Variants in MICAL2 observed in about 807,000 individuals in gnomAD.
The protein encoded by MICAL2 is microtubule associated monooxygenase, calponin and LIM domain containing 2, also known as [F-actin]-monooxygenase MICAL2.
In MICAL2, 77 loss-of-function variants were observed where a neutral mutation model predicts 127.3. The ratio of observed to expected loss-of-function variants is 0.60; its 90% CI spans 0.50 to 0.73. The LOEUF is 0.73. MICAL2 is among the 30% of genes least tolerant of loss of function. The pLI, the probability that MICAL2 is intolerant of heterozygous loss-of-function variation, is 0.00. For synonymous variants in MICAL2, 570 were observed against 551.1 expected, an observed-to-expected ratio of 1.03 and a Z score of -0.48; for missense variants, 1,351 against 1,434.4, an observed-to-expected ratio of 0.94 and a Z score of 0.94.
At position 12,226,373 on chromosome 11, in the gene MICAL2, AAGC is replaced by A. The variant is rs1205425426; in HGVS notation, c.1888+5_1888+7del. ...GGGCACCCCACTGAGGCCCGTGGGTAAGCACCTGCACAGAGGTTTTGCTTAGCC... is the reference window on the plus strand; with the variant it reads ...GGGCACCCCACTGAGGCCCGTGGGTAACCTGCACAGAGGTTTTGCTTAGCC... On this transcript the variant is annotated splice_donor_5th_base_variant and intron_variant, in intron 14 of 27. Coordinates refer to ENST00000683283, the MANE Select transcript of MICAL2 (RefSeq NM_001282663.2). 2 of 1,613,758 alleles carry A rather than the reference AAGC, an allele frequency of 1.2e-6. No individual in the cohort carries two copies. Among genetic ancestry groups the A allele is most frequent in the Non-Finnish European group, 1.7e-6 (2 of 1,179,848 alleles).
At chr11:12,342,450 T>C (rs149025068) in intron 32 of MICAL2, among the ~76,000 whole-genome samples, 112 of 152,340 alleles carry the variant, frequency 7.4e-4, no homozygotes, top group African/African-American at 2.6e-3. Context: ...TCATTTTAAG[T>C]TACAAAATAA....
chr11:12,163,048 C>A (rs751902851), intron 3 of MICAL2, among the ~76,000 whole-genome samples: 8 of 152,186 alleles, frequency 5.3e-5, no homozygotes, highest in African/African-American at 1.9e-4. Flanking sequence ...CCTCCTGATA[C>A]CCCTGCATTC....
intron 1 of MICAL2, among the ~76,000 whole-genome samples, chr11:12,119,766 G>A (rs1410379246): frequency 6.6e-6 from 1 of 152,172 alleles, no homozygotes; most frequent in Admixed American, 6.5e-5. Flanking sequence ...GGCCACAGAG[G>A]CCATGAGTCA....
At chr11:12,293,632 G>A, downstream of MICAL2, 1 of 1,614,010 alleles carries the variant, frequency 6.2e-7, no homozygotes, top group Non-Finnish European at 8.5e-7. Context: ...ACTTTCGGAG[G>A]CGAGCCGTAG....
intron 24 of MICAL2, among the ~76,000 whole-genome samples, chr11:12,258,237 C>T (rs1488332712): frequency 1.3e-5 from 2 of 152,102 alleles, no homozygotes; most frequent in Non-Finnish European, 2.9e-5. Flanking sequence ...TCCCCGGGAG[C>T]CCCCCATTGC....
At chr11:12,114,429 C>T (rs1277871173) in intron 1 of MICAL2, among the ~76,000 whole-genome samples, 1 of 152,168 alleles carries the variant, frequency 6.6e-6, no homozygotes, top group East Asian at 1.9e-4. Flanking sequence ...AACGAGGATC[C>T]AGTTGGTATG....
chr11:12,326,684 C>T (rs1864356196), intron 31 of MICAL2, among the ~76,000 whole-genome samples: 1 of 152,186 alleles, frequency 6.6e-6, no homozygotes, highest in Non-Finnish European at 1.5e-5. Flanking sequence ...GCACGAAACC[C>T]CGGGATCTGG....
chr11:12,299,488 C>A (rs1278687808), intron 29 of MICAL2, among the ~76,000 whole-genome samples: 1 of 152,162 alleles, frequency 6.6e-6, no homozygotes. Context: ...TATAAGACAA[C>A]TTTCCAATTA....
chr11:12,178,121 G>T (rs1857033712), intron 3 of MICAL2, among the ~76,000 whole-genome samples: 1 of 152,132 alleles, frequency 6.6e-6, no homozygotes, highest in Non-Finnish European at 1.5e-5. Context: ...AATGGCCAAT[G>T]ATTTCATCAA....
intron 29 of MICAL2, among the ~76,000 whole-genome samples, chr11:12,308,940 A>G (rs1373080411): frequency 6.6e-6 from 1 of 152,226 alleles, no homozygotes; most frequent in East Asian, 1.9e-4. Context: ...ACGAGTAATG[A>G]TAAATGTAAG....
chr11:12,323,964 A>G (rs372831645), intron 30 of MICAL2: 36 of 1,591,486 alleles, frequency 2.3e-5, no homozygotes, highest in Non-Finnish European at 3.1e-5. Flanking sequence ...TTTTTTCTCC[A>G]TTGGTTTTCA....
Position 12,256,908 on chromosome 11 carries a change from T to C in MICAL2, c.3079T>C (p.Phe1027Leu). 6.2e-7 allele frequency: 1 copy of C among 1,614,160 alleles called. No homozygotes were observed. The highest frequency in any genetic ancestry group is 2.2e-5 in the East Asian group (1 of 44,882). ...AEGHFFHREC[F>L]RCSICATTLR... ...GGGCCACTTCTTCCACCGGGAGTGTTTCCGCTGCAGCATCTGTGCCACCAC... is the reference window on the plus strand; with the variant it reads ...GGGCCACTTCTTCCACCGGGAGTGTCTCCGCTGCAGCATCTGTGCCACCAC... Residue 1027 changes from phenylalanine to leucine, a missense_variant, in exon 24 of 28, where the codon TTC (phenylalanine) becomes CTC (leucine). Physicochemically the swap from Phe to Leu is conservative, Grantham distance 22 (BLOSUM62 0). This residue lies in a region of MICAL2 where 752 missense variants were observed against 719.4 expected (regional missense o/e 1.05). Transcript: ENST00000683283.
At chr11:12,199,428 GTC>G (rs910973001) in intron 3 of MICAL2, among the ~76,000 whole-genome samples, 165 of 152,288 alleles carry the variant, frequency 1.1e-3, no homozygotes, top group African/African-American at 3.7e-3. Flanking sequence ...TCGCTGCAGT[GTC>G]TGCACACACA....
chr11:12,172,492 C>T (rs1856391496), intron 3 of MICAL2, among the ~76,000 whole-genome samples: 1 of 152,118 alleles, frequency 6.6e-6, no homozygotes, highest in Admixed American at 6.6e-5. Flanking sequence ...AATTAGGTCT[C>T]TTCCTACTTG....
downstream of MICAL2, among the ~76,000 whole-genome samples, chr11:12,288,889 A>C (rs1863859652): frequency 6.6e-6 from 1 of 152,220 alleles, no homozygotes; most frequent in Non-Finnish European, 1.5e-5. Flanking sequence ...GAAAGCCACG[A>C]GAGCCATCTT....
In MICAL2 at chr11:12,334,625, C is replaced by A. The variant is rs1938715298; in HGVS notation, c.5515+7359C>A. Among the ~76,000 whole-genome samples, 3 of 112,052 alleles carry A rather than the reference C, an allele frequency of 2.7e-5. No homozygotes were observed. The South Asian group carries it at 1.1e-3, about 40-fold the overall frequency. The allele number at this position is 112,052 out of a possible 152,430, so 73.5% of individuals were successfully genotyped here. A position where few individuals can be genotyped will look rare whatever the true frequency, so the allele number is the denominator to read the frequency against. On this transcript the variant is annotated intron_variant, in intron 32 of 34. Coordinates refer to the MICAL2 transcript ENST00000646065. ...CCTCCCCCCACCCCCCCACAACAGTCCCCGGTGTGTGATGTTCCCCTTCCT... is the reference window on the plus strand; with the variant it reads ...CCTCCCCCCACCCCCCCACAACAGTACCCGGTGTGTGATGTTCCCCTTCCT...
chr11:12,180,349 A>ATATATATATTTT (rs11403732), intron 3 of MICAL2, among the ~76,000 whole-genome samples: 1 of 139,682 alleles, frequency 7.2e-6, no homozygotes, highest in African/African-American at 2.7e-5. Flanking sequence ...ATATGTATAT[A>ATATATATATTTT]TTTTTTTTTT....
intron 8 of MICAL2, among the ~76,000 whole-genome samples, chr11:12,216,653 G>T (rs867751325): frequency 1.3e-5 from 2 of 152,118 alleles, no homozygotes; most frequent in African/African-American, 2.4e-5. Context: ...GCAGATGGGG[G>T]CTCCTTGTCC....
chr11:12,330,813 G>GAGAGAGAC lies in MICAL2; in HGVS notation c.5515+3554_5515+3555insCAGAGAGA, dbSNP rs1864409214. Among the ~76,000 whole-genome samples the GAGAGAGAC allele has an allele frequency of 1.3e-5, 2 of 150,628 alleles. 1 individual carries two copies. Among genetic ancestry groups the GAGAGAGAC allele is most frequent in the South Asian group, 4.2e-4 (2 of 4,738 alleles). ...AGAGAGAGAGAGAGAGACAGAGAGA[G>GAGAGAGAC]AGAGAGAGGGAGAGACAGACAGAGA... On this transcript the variant is annotated intron_variant, in intron 32 of 34. Coordinates refer to the MICAL2 transcript ENST00000646065.
Sources: gnomAD v4.1 joint callset for allele counts (sites outside exome capture counted in the v4.1 genomes callset) on GRCh38, gnomAD v4.1.1 for gene constraint, gnomAD v4.1.1 regional missense constraint, MANE v1.5 for transcripts, NCBI Gene and HGNC (gene_info 2026-07-23, HGNC 2026-07-21) for gene names.